The following TENM3 variants were observed in gnomAD, a reference collection of about 807,000 sequenced individuals.
The protein encoded by TENM3 is teneurin transmembrane protein 3, also known as teneurin-3.
A neutral mutation model predicts 255.1 loss-of-function variants in TENM3; 63 were observed. That is an observed-to-expected ratio of 0.25 (90% CI 0.20 to 0.30). The LOEUF (loss-of-function observed/expected upper bound fraction) is 0.30. Among genes scored for constraint, TENM3 ranks in the 10% least tolerant of loss-of-function variants. The probability of loss-of-function intolerance (pLI) is 1.00; values close to 1 mark genes in which losing one functional copy is unlikely to be tolerated. For missense variants in TENM3, 2,929 were observed against 3,461.1 expected, an observed-to-expected ratio of 0.85 and a Z score of 3.86; for synonymous variants, 1,306 against 1,322.3, an observed-to-expected ratio of 0.99 and a Z score of 0.27.
Position 182,372,752 on chromosome 4 carries a change from T to G in TENM3, c.511+25823T>G, listed in dbSNP as rs1335592903. ...TTGACAGATTAATAATTTTCTTTTT[T>G]GAGTCTCGCTCTGTCACTCAAGCTG... On this transcript the variant is annotated intron_variant, in intron 3 of 27. Coordinates refer to ENST00000511685, the MANE Select transcript of TENM3 (RefSeq NM_001080477.4). Among the ~76,000 whole-genome samples the G allele has an allele frequency of 2.6e-5, 4 of 152,192 alleles. No individual in the cohort carries two copies. The East Asian group carries it at 7.7e-4, about 29-fold the overall frequency.
the TENM3 span, among the ~76,000 whole-genome samples, chr4:182,093,725 G>C: frequency 0.92 from 140,503 of 152,090 alleles, 65,004 homozygotes; most frequent in Non-Finnish European, 0.95. Flanking sequence ...CTGAAACAGT[G>C]TAGCCACTAG....
intron 11 of TENM3, among the ~76,000 whole-genome samples, chr4:182,683,908 AC>A (rs1289333879): frequency 1.3e-5 from 2 of 151,794 alleles, no homozygotes; most frequent in Admixed American, 1.3e-4. Flanking sequence ...AGCAGACAGG[AC>A]CTGCTGAAAA....
At chr4:182,033,301 C>G in the TENM3 span, among the ~76,000 whole-genome samples, 1 of 152,070 alleles carries the variant, frequency 6.6e-6, no homozygotes, top group Non-Finnish European at 1.5e-5. Flanking sequence ...TTGCTATTTA[C>G]CCAGGAGCCA....
At chr4:182,269,072 T>TA (rs199900527) in intron 1 of TENM3, among the ~76,000 whole-genome samples, 215 of 151,376 alleles carry the variant, frequency 1.4e-3, no homozygotes, top group African/African-American at 4.9e-3. Flanking sequence ...CTTTGCTCTT[T>TA]AAAAAAAAAT....
chr4:181,605,546 G>GAA, the TENM3 span, among the ~76,000 whole-genome samples: 2 of 27,362 alleles, frequency 7.3e-5, no homozygotes, highest in Non-Finnish European at 9.9e-5. Context: ...AAGAAAGAAA[G>GAA]AAAGAAAGAA....
chr4:181,624,129 C>A, the TENM3 span, among the ~76,000 whole-genome samples: 1 of 152,100 alleles, frequency 6.6e-6, no homozygotes, highest in Non-Finnish European at 1.5e-5. Flanking sequence ...ACATCTGTAT[C>A]CCACAAGATG....
chr4:182,041,033 G>A, the TENM3 span, among the ~76,000 whole-genome samples: 2 of 152,152 alleles, frequency 1.3e-5, no homozygotes, highest in Non-Finnish European at 2.9e-5. Context: ...GGAAACTCCT[G>A]TATTTTTTTT....
chr4:182,241,983 C>T (rs1039760037), upstream of TENM3, among the ~76,000 whole-genome samples: 16 of 149,002 alleles, frequency 1.1e-4, 1 homozygote, highest in African/African-American at 4.0e-4. Flanking sequence ...AGCCACATGC[C>T]TTTTCCACCA....
In TENM3 at chr4:182,776,634, CT is replaced by C. The variant is rs201156623; in HGVS notation, c.5304+1490del. Among the ~76,000 whole-genome samples, 911 of 151,666 alleles carry C rather than the reference CT, an allele frequency of 6.0e-3. 9 individuals carry two copies. The highest frequency in any genetic ancestry group is 0.021 in the African/African-American group (867 of 41,312). On this transcript the variant is annotated intron_variant, in intron 24 of 27. Coordinates refer to ENST00000511685, the MANE Select transcript of TENM3 (RefSeq NM_001080477.4). ...GAGACAAGTTATAAGTAAGTGTGCA[CT>C]TTTTTTTTCTTTGTAATACTGCTTT... is the stretch of plus-strand genomic sequence containing the variant.
At position 182,273,995 on chromosome 4, in the gene TENM3, C is replaced by T. The variant is rs1200539618; in HGVS notation, c.-76+30519C>T. On this transcript the variant is annotated intron_variant, in intron 1 of 27. Coordinates refer to ENST00000511685, the MANE Select transcript of TENM3 (RefSeq NM_001080477.4). ...GTATACATACAGGTGTTCTTTCTCC[C>T]TACAATGGACCTGTTAGAGCAAGAG... Among the ~76,000 whole-genome samples the T allele has an allele frequency of 2.0e-5, 3 of 152,100 alleles. No homozygotes were observed. The East Asian group carries it at 5.8e-4, about 29-fold the overall frequency.
the TENM3 span, among the ~76,000 whole-genome samples, chr4:181,992,290 C>A: frequency 6.7e-3 from 1,020 of 152,082 alleles, 10 homozygotes; most frequent in African/African-American, 0.023. Context: ...TAAATGAACA[C>A]GAAAACAAAT....
the TENM3 span, among the ~76,000 whole-genome samples, chr4:181,983,614 G>C: frequency 4.6e-5 from 7 of 151,976 alleles, no homozygotes; most frequent in Non-Finnish European, 1.0e-4. Flanking sequence ...TTTTCAAAAG[G>C]TTTATTAAGT....
intron 1 of TENM3, among the ~76,000 whole-genome samples, chr4:182,217,352 AC>A (rs1755553993): frequency 6.6e-6 from 1 of 152,030 alleles, no homozygotes; most frequent in Non-Finnish European, 1.5e-5. Context: ...TTCATAACTT[AC>A]CTGCAAAGTG....
chr4:181,977,255 A>G, the TENM3 span, among the ~76,000 whole-genome samples: 1 of 152,344 alleles, frequency 6.6e-6, no homozygotes, highest in South Asian at 2.1e-4. Context: ...TCTTAAAAAG[A>G]ACCACCGTTA....
chr4:181,506,133 C>T, the TENM3 span, among the ~76,000 whole-genome samples: 4 of 152,210 alleles, frequency 2.6e-5, no homozygotes, highest in South Asian at 8.3e-4. Context: ...GACAAATATA[C>T]TCTGCAAATA....
the TENM3 span, among the ~76,000 whole-genome samples, chr4:181,805,881 C>T: frequency 6.6e-6 from 1 of 152,122 alleles, no homozygotes. Flanking sequence ...CTCTGCCTGT[C>T]CAGCTCTCCA....
the TENM3 span, among the ~76,000 whole-genome samples, chr4:181,987,539 G>T: frequency 6.6e-6 from 1 of 152,168 alleles, no homozygotes; most frequent in East Asian, 1.9e-4. Context: ...GGTTACAACT[G>T]AAACCTGAAT....
the TENM3 span, among the ~76,000 whole-genome samples, chr4:181,526,269 A>T: frequency 1.0e-4 from 7 of 68,712 alleles, no homozygotes; most frequent in African/African-American, 2.3e-4. Flanking sequence ...AATCCAAATT[A>T]AAAAAAAAAA....
the TENM3 span, among the ~76,000 whole-genome samples, chr4:181,879,738 C>T: frequency 1.3e-5 from 2 of 152,096 alleles, no homozygotes; most frequent in African/African-American, 4.8e-5. Context: ...AGATGTGACT[C>T]CTGTGATACT....
Sources: allele counts gnomAD v4.1 joint callset (sites outside exome capture counted in the v4.1 genomes callset), GRCh38; gene constraint gnomAD v4.1.1; transcripts MANE v1.5; gene names NCBI Gene and HGNC (gene_info 2026-07-23, HGNC 2026-07-21).